The following KIRREL1 variants were observed in gnomAD, a reference collection of about 807,000 sequenced individuals.
KIRREL1 encodes the protein kin of IRRE-like protein 1.
KIRREL1 carries 25 observed loss-of-function variants against 83.3 expected under a neutral mutation model. The ratio of observed to expected loss-of-function variants is 0.30; its 90% CI spans 0.22 to 0.42. KIRREL1 has a LOEUF of 0.42. Ranked by LOEUF, KIRREL1 falls within the 10% of genes least tolerant of loss-of-function variation. KIRREL1 has a pLI of 1.00. For missense variants in KIRREL1, 812 were observed against 1,032.3 expected, an observed-to-expected ratio of 0.79 and a Z score of 2.92; for synonymous variants, 388 against 410.4, an observed-to-expected ratio of 0.95 and a Z score of 0.66.
At position 158,094,478 on chromosome 1, in the gene KIRREL1, G is replaced by C. The variant is rs965021074; in HGVS notation, c.1797+88G>C. The C allele has an allele frequency of 2.1e-6, 3 of 1,397,130 alleles. No individual in the cohort carries two copies. Among genetic ancestry groups the C allele is most frequent in the African/African-American group, 2.8e-5 (2 of 70,754 alleles). The allele number at this position is 1,397,130 out of a possible 1,614,324, so 86.5% of individuals were successfully genotyped here. A position where few individuals can be genotyped will look rare whatever the true frequency, so the allele number is the denominator to read the frequency against. On this transcript the variant is annotated intron_variant, in intron 14 of 14. Coordinates refer to ENST00000359209, the MANE Select transcript of KIRREL1 (RefSeq NM_018240.7). The surrounding 1 kb of genome is among the most constrained non-coding windows in gnomAD (Gnocchi z 4.6). The stretch of plus-strand genomic sequence containing the variant: ...GTAGCGGGGAGGTGAGGTGAGGACA[G>C]ACTTGGGGAGGAGTGGTTGGGAGGG...
chr1:158,085,006 G>T (rs1471821245), intron 4 of KIRREL1, among the ~76,000 whole-genome samples: 1 of 152,204 alleles, frequency 6.6e-6, no homozygotes, highest in Non-Finnish European at 1.5e-5. Context: ...GCGGGGGTTT[G>T]TACCTGGGTC....
chr1:158,005,217 T>A (rs1659482473), intron 1 of KIRREL1, among the ~76,000 whole-genome samples: 1 of 152,128 alleles, frequency 6.6e-6, no homozygotes, highest in Admixed American at 6.5e-5. Flanking sequence ...CTAATGAGAA[T>A]CAAAAGAAAA....
intron 1 of KIRREL1, among the ~76,000 whole-genome samples, chr1:158,050,233 C>T (rs543879508): frequency 5.3e-4 from 81 of 152,152 alleles, no homozygotes; most frequent in African/African-American, 1.9e-3. Context: ...AGCCTCCTAG[C>T]GTGAACATAG....
intron 9 of KIRREL1, 26 bp downstream of exon 9, chr1:158,089,654 C>T (rs775683863): frequency 5.0e-6 from 8 of 1,612,926 alleles, no homozygotes; most frequent in East Asian, 2.2e-5. Context: ...GAGAGGCAGC[C>T]GGGCCTGGGC....
intron 1 of KIRREL1, among the ~76,000 whole-genome samples, chr1:158,074,547 A>G (rs1385677233): frequency 6.6e-6 from 1 of 152,164 alleles, no homozygotes; most frequent in Non-Finnish European, 1.5e-5. Context: ...CCTGTGACAA[A>G]CAAAATCATG....
intron 2 of KIRREL1, 29 bp from the exon 3 acceptor site, chr1:158,077,962 G>A: frequency 6.2e-7 from 1 of 1,612,570 alleles, no homozygotes; most frequent in Non-Finnish European, 8.5e-7. Flanking sequence ...TTGTTTCAAG[G>A]TTGGGCCTCA....
In KIRREL1 at chr1:158,051,491, C is replaced by A. The variant is rs550762501; in HGVS notation, c.53-24622C>A. ...CTACATATATATTTCATTTAGTCAA[C>A]ACTACCAGTAACCAGCATGTAGCCG... On this transcript the variant is annotated intron_variant, in intron 1 of 14. Transcript: ENST00000359209. 3.9e-5 allele frequency among the ~76,000 whole-genome samples: 6 copies of A among 152,318 alleles called. No individual in the cohort carries two copies. In the South Asian group the frequency reaches 1.0e-3, roughly 26 times the overall value.
At chr1:158,088,292 G>A in intron 7 of KIRREL1, 35 bp from the exon 8 acceptor site, 1 of 1,602,298 alleles carries the variant, frequency 6.2e-7, no homozygotes, top group Non-Finnish European at 8.5e-7. Context: ...CCATGAGCTT[G>A]AGACCCTAAC....
intron 1 of KIRREL1, among the ~76,000 whole-genome samples, chr1:158,003,415 T>G (rs1171661588): frequency 6.6e-6 from 1 of 152,206 alleles, no homozygotes; most frequent in African/African-American, 2.4e-5. Context: ...GTGGGACTCC[T>G]GGGTTTTAAT....
intron 1 of KIRREL1, among the ~76,000 whole-genome samples, chr1:158,060,152 G>A (rs1346999094): frequency 6.6e-6 from 1 of 152,158 alleles, no homozygotes; most frequent in Non-Finnish European, 1.5e-5. Context: ...CCCTGCTGGT[G>A]ATCAGCCCCT....
At chr1:158,090,354 T>C (rs1662158639) in intron 10 of KIRREL1, among the ~76,000 whole-genome samples, 1 of 152,042 alleles carries the variant, frequency 6.6e-6, no homozygotes. Flanking sequence ...ACCAGCCCCT[T>C]GCCTTGCCAC....
intron 1 of KIRREL1, among the ~76,000 whole-genome samples, chr1:157,994,225 G>A (rs1238148328): frequency 1.3e-5 from 2 of 152,186 alleles, no homozygotes; most frequent in Admixed American, 1.3e-4. Flanking sequence ...AGCCCCTCGG[G>A]GGTCTGAGTC....
In KIRREL1 at chr1:158,093,751, G is replaced by GCCATCTA; in HGVS notation, c.1710_1716dup (p.Ser573HisfsTer6). 1 of 1,614,130 alleles carries GCCATCTA rather than the reference G, an allele frequency of 6.2e-7. No individual in the cohort carries two copies. The highest frequency in any genetic ancestry group is 8.5e-7 in the Non-Finnish European group (1 of 1,180,012). The stretch of plus-strand genomic sequence containing the variant: ...CTCCACAGCAACCCGGGTCATGAAG[G>GCCATCTA]CCATCTACTCGGTGAGGGTCCTGCT... On this transcript the variant is annotated frameshift_variant, in exon 13 of 15. Transcript: ENST00000359209. LOFTEE classifies it high-confidence loss of function.
intron 1 of KIRREL1, among the ~76,000 whole-genome samples, chr1:158,027,243 T>C (rs886992081): frequency 2.6e-5 from 4 of 152,294 alleles, no homozygotes; most frequent in African/African-American, 9.6e-5. Context: ...AAAAGGATAG[T>C]AGAAAGGATA....
chr1:158,088,958 G>C (rs1379473995), intron 8 of KIRREL1, among the ~76,000 whole-genome samples: 1 of 152,056 alleles, frequency 6.6e-6, no homozygotes, highest in Non-Finnish European at 1.5e-5. Flanking sequence ...CAGAAGCACT[G>C]GGGGGACAAA....
At chr1:158,068,687 C>T (rs374110855) in intron 1 of KIRREL1, among the ~76,000 whole-genome samples, 3 of 152,206 alleles carry the variant, frequency 2.0e-5, no homozygotes, top group South Asian at 2.1e-4. Flanking sequence ...TTCTCTCCTT[C>T]GCCCTTCGAT....
At chr1:158,072,045 C>G (rs1325161497) in intron 1 of KIRREL1, among the ~76,000 whole-genome samples, 1 of 152,182 alleles carries the variant, frequency 6.6e-6, no homozygotes, top group East Asian at 1.9e-4. Flanking sequence ...CCCACATCCC[C>G]CTCGCCACCA....
intron 1 of KIRREL1, among the ~76,000 whole-genome samples, chr1:158,001,775 A>G (rs1393017324): frequency 6.6e-6 from 1 of 152,180 alleles, no homozygotes; most frequent in Non-Finnish European, 1.5e-5. Context: ...GTTTGGGAGA[A>G]ACAGATGAGA....
Position 158,087,774 on chromosome 1 carries a change from G to A in KIRREL1, c.681G>A (p.Leu227=). 1 of 1,613,966 alleles carries A rather than the reference G, an allele frequency of 6.2e-7. No homozygotes were observed. The highest frequency in any genetic ancestry group is 8.5e-7 in the Non-Finnish European group (1 of 1,179,898). The part of the protein sequence containing the change: ...LDVHHPPTVT[L]SIEPQTVQEG... ...TTGCAGACCCTCCTACAGTGACCCT[G>A]TCCATTGAGCCACAGACGGTGCAGG... The change falls in exon 6 of 15, where the codon CTG becomes CTA. Residue 227 remains leucine, a synonymous_variant. Transcript: ENST00000359209.
Sources: allele counts gnomAD v4.1 joint callset (sites outside exome capture counted in the v4.1 genomes callset), GRCh38; gene constraint gnomAD v4.1.1; non-coding constraint Gnocchi (gnomAD v3.1); transcripts MANE v1.5; gene names NCBI Gene and HGNC (gene_info 2026-07-23, HGNC 2026-07-21).